Variants in ERI3 observed in about 807,000 individuals in gnomAD.
ERI3 encodes ERI1 exoribonuclease family member 3.
A neutral mutation model predicts 44.4 loss-of-function variants in ERI3; 18 were observed. The observed-to-expected ratio is 0.41, with a 90% CI of 0.28 to 0.60. The LOEUF is 0.60. Ranked by LOEUF, ERI3 falls within the 20% of genes least tolerant of loss-of-function variation. ERI3 has a pLI of 0.36. For missense variants in ERI3, 294 were observed against 435.5 expected (o/e 0.68, Z 2.89); for synonymous variants, 183 against 164.8 (o/e 1.11, Z -0.84).
intron 7 of ERI3, among the ~76,000 whole-genome samples, chr1:44,280,788 C>T (rs1470148529): frequency 6.6e-6 from 1 of 152,168 alleles, no homozygotes; most frequent in Admixed American, 6.5e-5. Context: ...CTTCCTCTTA[C>T]CCTAAACATC....
At chr1:44,337,294 T>G (rs1039710622) in intron 3 of ERI3, among the ~76,000 whole-genome samples, 1 of 152,164 alleles carries the variant, frequency 6.6e-6, no homozygotes, top group African/African-American at 2.4e-5. Flanking sequence ...GTGACAGAGA[T>G]GTGTTAGATT....
intron 7 of ERI3, among the ~76,000 whole-genome samples, chr1:44,255,767 G>A (rs578225440): frequency 4.2e-4 from 64 of 152,232 alleles, no homozygotes; most frequent in African/African-American, 1.5e-3. Flanking sequence ...GGTCTACCAG[G>A]CCAGAAATGT....
chr1:44,296,624 G>A (rs951223022), intron 6 of ERI3, among the ~76,000 whole-genome samples: 3 of 152,190 alleles, frequency 2.0e-5, no homozygotes, highest in African/African-American at 7.2e-5. Flanking sequence ...CTACTGGCAG[G>A]TGAAGCTGGT....
chr1:44,312,394 T>TCCC (rs1054757956), intron 5 of ERI3, among the ~76,000 whole-genome samples: 1 of 151,948 alleles, frequency 6.6e-6, no homozygotes, highest in African/African-American at 2.4e-5. Context: ...GGGGACCTTC[T>TCCC]CCCCCTGTGA....
At chr1:44,237,771 T>C (rs1222275807) in intron 8 of ERI3, among the ~76,000 whole-genome samples, 1 of 152,174 alleles carries the variant, frequency 6.6e-6, no homozygotes, top group Non-Finnish European at 1.5e-5. Flanking sequence ...TGAAAATCCA[T>C]ACGTCTCCAG....
chr1:44,270,608 G>T (rs1010927870), intron 7 of ERI3, among the ~76,000 whole-genome samples: 1 of 152,198 alleles, frequency 6.6e-6, no homozygotes, highest in Admixed American at 6.5e-5. Flanking sequence ...AGAGAGGCAG[G>T]TGAGGCTCAT....
intron 5 of ERI3, among the ~76,000 whole-genome samples, chr1:44,310,716 A>C (rs1231356640): frequency 2.0e-5 from 3 of 152,036 alleles, no homozygotes; most frequent in Non-Finnish European, 4.4e-5. Flanking sequence ...GTCATCCTTG[A>C]CTAAGGCCAA....
intron 3 of ERI3, chr1:44,322,680 T>C (rs1430112625): frequency 2.0e-6 from 3 of 1,510,392 alleles, no homozygotes; most frequent in South Asian, 2.6e-5. Flanking sequence ...GAAAAGACTC[T>C]CTGAGAAATT....
chr1:44,331,705 A>G (rs1313235100), intron 3 of ERI3, among the ~76,000 whole-genome samples: 1 of 152,238 alleles, frequency 6.6e-6, no homozygotes, highest in Non-Finnish European at 1.5e-5. Context: ...CAATATTTCT[A>G]CAAACAAGCC....
At chr1:44,294,838 C>A (rs934181054) in intron 6 of ERI3, among the ~76,000 whole-genome samples, 3 of 152,256 alleles carry the variant, frequency 2.0e-5, no homozygotes, top group Admixed American at 2.0e-4. Context: ...CCACTACAGT[C>A]TTCCCCTGGC....
At chr1:44,268,316 G>C (rs1392708067) in intron 7 of ERI3, among the ~76,000 whole-genome samples, 1 of 152,016 alleles carries the variant, frequency 6.6e-6, no homozygotes, top group Non-Finnish European at 1.5e-5. Context: ...AGCCCAGGCA[G>C]AGCACAGGAC....
intron 1 of ERI3, chr1:44,353,879 T>C: frequency 1.0e-6 from 1 of 985,258 alleles, no homozygotes; most frequent in Non-Finnish European, 1.2e-6. Flanking sequence ...GCAGCTCCCT[T>C]CCCCCAACCC....
intron 6 of ERI3, among the ~76,000 whole-genome samples, chr1:44,289,852 G>C (rs1160626644): frequency 6.6e-6 from 1 of 152,262 alleles, no homozygotes; most frequent in Non-Finnish European, 1.5e-5. Flanking sequence ...ATGTGGGGGA[G>C]AGCTGCTAGG....
intron 1 of ERI3, chr1:44,354,643 C>T (rs1646961071): frequency 1.0e-6 from 1 of 985,296 alleles, no homozygotes; most frequent in African/African-American, 1.7e-5. Flanking sequence ...TTTCTAGCCT[C>T]TCTAGTCAAA....
At chr1:44,295,526 C>T (rs1645592520) in intron 6 of ERI3, among the ~76,000 whole-genome samples, 1 of 152,210 alleles carries the variant, frequency 6.6e-6, no homozygotes, top group African/African-American at 2.4e-5. Context: ...AGGCTACTAC[C>T]GGAATGCCAG....
chr1:44,342,859 T>TATA (rs1557868067), intron 2 of ERI3, among the ~76,000 whole-genome samples: 1 of 11,994 alleles, frequency 8.3e-5, no homozygotes, highest in Non-Finnish European at 1.5e-4. Flanking sequence ...ATATATATAT[T>TATA]TTTTTTTTTT....
rs1308740274 is a variant in ERI3, at chr1:44,310,962, C to T, written c.666+2207G>A. On this transcript the variant is annotated intron_variant, in intron 5 of 8. Coordinates refer to ENST00000372257, the MANE Select transcript of ERI3 (RefSeq NM_024066.3). ...CATGTATGTGCACATCGCGCGCGCG[C>T]GCACACACACACACACACACACACA... Among the ~76,000 whole-genome samples the T allele has an allele frequency of 5.0e-3, 404 of 81,524 alleles. 8 individuals are homozygous for T. Among genetic ancestry groups the T allele is most frequent in the Admixed American group, 6.9e-3 (45 of 6,560 alleles). 53.5% of individuals were successfully genotyped at this position (81,524 alleles called of 152,430 possible).
intron 2 of ERI3, among the ~76,000 whole-genome samples, chr1:44,342,848 T>TATATATAA (rs1646704611): frequency 2.8e-5 from 1 of 35,350 alleles, no homozygotes; most frequent in Non-Finnish European, 5.1e-5. Flanking sequence ...TATATATATA[T>TATATATAA]ATATATATAT....
chr1:44,318,103 C>T (rs193111415), intron 4 of ERI3, among the ~76,000 whole-genome samples: 140 of 152,314 alleles, frequency 9.2e-4, no homozygotes, highest in Non-Finnish European at 1.8e-3. Context: ...CACAATCCCT[C>T]CTCCCATTCC....
Sources: gnomAD v4.1 joint callset for allele counts (sites outside exome capture counted in the v4.1 genomes callset) on GRCh38, gnomAD v4.1.1 for gene constraint, MANE v1.5 for transcripts, NCBI Gene and HGNC (gene_info 2026-07-23, HGNC 2026-07-21) for gene names.